The following ITGA6 variants were observed in gnomAD, a reference collection of about 807,000 sequenced individuals.
ITGA6 encodes the protein integrin alpha-6.
A neutral mutation model predicts 133.6 loss-of-function variants in ITGA6; 63 were observed. The observed-to-expected ratio is 0.47, with a 90% CI of 0.38 to 0.58. The LOEUF (loss-of-function observed/expected upper bound fraction) is 0.58. ITGA6 is among the 20% of genes least tolerant of loss of function. The probability of loss-of-function intolerance (pLI) is 0.00; values close to 1 mark genes in which losing one functional copy is unlikely to be tolerated. For synonymous variants in ITGA6, 434 were observed against 482.0 expected (o/e 0.90, Z 1.30); for missense variants, 1,068 against 1,309.4 (o/e 0.82, Z 2.85).
chr2:172,493,858 C>A (rs570252515), intron 23 of ITGA6, among the ~76,000 whole-genome samples: 12 of 152,284 alleles, frequency 7.9e-5, no homozygotes, highest in African/African-American at 2.9e-4. Flanking sequence ...CCCTGGTGTC[C>A]AGTCTGATGA....
chr2:172,489,299 T>C (rs1232915194), intron 19 of ITGA6, among the ~76,000 whole-genome samples, 186 bp from the exon 20 acceptor site: 1 of 152,226 alleles, frequency 6.6e-6, no homozygotes, highest in Non-Finnish European at 1.5e-5. Flanking sequence ...TTTGTTTTTA[T>C]TTACAAAAAT....
Position 172,469,006 on chromosome 2 carries a change from G to A in ITGA6, c.388-119G>A, listed in dbSNP as rs1685800863. 2.7e-6 allele frequency: 3 copies of A among 1,090,916 alleles called. No individual in the cohort carries two copies. The African/African-American group carries it at 4.7e-5, about 17-fold the overall frequency. The allele number at this position is 1,090,916 out of a possible 1,614,324, so 67.6% of individuals were successfully genotyped here. A position where few individuals can be genotyped will look rare whatever the true frequency, so the allele number is the denominator to read the frequency against. On this transcript the variant is annotated intron_variant, in intron 3 of 25. Transcript: ENST00000684293. Reference sequence around the variant, plus strand: ...GTCTGGGATCCGGTCCCAAGATGAGGACATGCTTAATCATCCTCTTTAGAA... The same window carrying A: ...GTCTGGGATCCGGTCCCAAGATGAGAACATGCTTAATCATCCTCTTTAGAA...
At chr2:172,465,180 T>C (rs1189519064) in intron 1 of ITGA6, 1 of 315,914 alleles carries the variant, frequency 3.2e-6, no homozygotes, top group East Asian at 7.4e-5. Context: ...ATTTGGTTTC[T>C]TCTCTTGAGT....
Position 172,491,583 on chromosome 2 carries a change from A to G in ITGA6, c.2988+60A>G. 9.1e-7 allele frequency: 1 copy of G among 1,096,168 alleles called. No individual in the cohort carries two copies. Among genetic ancestry groups the G allele is most frequent in the Non-Finnish European group, 1.4e-6 (1 of 720,646 alleles). 67.9% of individuals were successfully genotyped at this position (1,096,168 alleles called of 1,614,324 possible). On this transcript the variant is annotated intron_variant, in intron 23 of 25. Transcript: ENST00000684293. This position sits in a 1 kb window ranked among gnomAD's most constrained non-coding sequence, Gnocchi z 4.4. ...CATGTCTCTTTTCCCTGTACCCCAC[A>G]CTCATGTCCTGAAGTCATGTGCTTT...
chr2:172,503,882 T>G (rs1672169094), intron 25 of ITGA6: 1 of 369,842 alleles, frequency 2.7e-6, no homozygotes, highest in South Asian at 1.2e-4. Context: ...TGGACTTTTC[T>G]TCCAGTTTTA....
At chr2:172,485,888 T>G (rs1440455866) in intron 13 of ITGA6, among the ~76,000 whole-genome samples, 1 of 152,036 alleles carries the variant, frequency 6.6e-6, no homozygotes, top group Admixed American at 6.6e-5. Flanking sequence ...AAAATCTAAT[T>G]GATGATGAAC....
In ITGA6 at chr2:172,471,014, C is replaced by A; in HGVS notation, c.684C>A (p.Asp228Glu). 6.2e-7 allele frequency: 1 copy of A among 1,613,854 alleles called. No homozygotes were observed. Among genetic ancestry groups the A allele is most frequent in the South Asian group, 1.1e-5 (1 of 91,070 alleles). Residue 228 changes from aspartate (D) to glutamate (E), a missense_variant, in exon 5 of 26, where the codon GAC becomes GAA. Transcript: ENST00000684293. ...RVEQKNNTFF[D>E]MNIFEDGPYE... ...AGCAAAAGAATAACACTTTTTTTGACATGAACATCTTTGAAGATGGGCCTT... is the reference window on the plus strand; with the variant it reads ...AGCAAAAGAATAACACTTTTTTTGAAATGAACATCTTTGAAGATGGGCCTT...
chr2:172,492,141 G>A (rs1049944026), intron 23 of ITGA6, among the ~76,000 whole-genome samples: 1 of 152,150 alleles, frequency 6.6e-6, no homozygotes, highest in Admixed American at 6.5e-5. Flanking sequence ...TGATTCCCAC[G>A]TGGACAGAGC....
rs770511027 is a variant in ITGA6 at position 172,474,073 on chromosome 2, G to A, written c.794G>A (p.Gly265Glu). The A allele has an allele frequency of 6.2e-7, 1 of 1,613,014 alleles. No homozygotes were observed. The highest frequency in any genetic ancestry group is 8.5e-7 in the Non-Finnish European group (1 of 1,179,794). Reference sequence around the variant, plus strand: ...TTTCTAGGTTTTTCTTTGGACTCAGGGAAAGGTATTGTTTCTAAAGATGAG... The same window carrying A: ...TTTCTAGGTTTTTCTTTGGACTCAGAGAAAGGTATTGTTTCTAAAGATGAG... ...NSYLGFSLDSGKGIVSKDEIT... is the reference protein window; with the variant it reads ...NSYLGFSLDSEKGIVSKDEIT... Residue 265 changes from glycine to glutamate, a missense_variant, in exon 6 of 26, where the codon GGG (glycine) becomes GAG (glutamate). Around this residue, in one of 3 missense-constraint regions of ITGA6, gnomAD observed 317 missense variants for 456.9 expected, o/e 0.69. Coordinates refer to ENST00000684293, the MANE Select transcript of ITGA6 (RefSeq NM_000210.4).
At position 172,476,533 on chromosome 2, in the gene ITGA6, A is replaced by C; in HGVS notation, c.1388+20A>C. The C allele has an allele frequency of 7.4e-7, 1 of 1,344,426 alleles. No homozygotes were observed. The highest frequency in any genetic ancestry group is 1.1e-6 in the Non-Finnish European group (1 of 933,964). 83.3% of individuals were successfully genotyped at this position (1,344,426 alleles called of 1,614,324 possible). On this transcript the variant is annotated intron_variant, in intron 9 of 25. Coordinates refer to ENST00000684293, the MANE Select transcript of ITGA6 (RefSeq NM_000210.4). The stretch of plus-strand genomic sequence containing the variant: ...TTTCAGGTCTGTTATCTATGATTTT[A>C]GTGTTAAGCATGTTCTATAATCAGG...
chr2:172,449,776 C>T (rs780159523), intron 1 of ITGA6, among the ~76,000 whole-genome samples: 1 of 151,984 alleles, frequency 6.6e-6, no homozygotes, highest in South Asian at 2.1e-4. Context: ...ACAAAATTAG[C>T]CCGGCATGGT....
At chr2:172,490,331 C>G (rs60275829) in intron 20 of ITGA6, among the ~76,000 whole-genome samples, 12,262 of 152,190 alleles carry the variant, frequency 0.081, 1,354 homozygotes, top group East Asian at 0.51. Context: ...TAACCCCTCT[C>G]TCTATACTGC....
At chr2:172,453,781 A>G (rs1559125061) in intron 1 of ITGA6, among the ~76,000 whole-genome samples, 1 of 152,196 alleles carries the variant, frequency 6.6e-6, no homozygotes, top group South Asian at 2.1e-4. Context: ...GGAATTATTA[A>G]TACTGGAGTT....
At chr2:172,492,478 A>C (rs948214021) in intron 23 of ITGA6, among the ~76,000 whole-genome samples, 3 of 152,216 alleles carry the variant, frequency 2.0e-5, no homozygotes. Context: ...AGTAATTCTG[A>C]ATCTTGCTTC....
intron 1 of ITGA6, among the ~76,000 whole-genome samples, chr2:172,442,173 C>T (rs1468881628): frequency 7.2e-5 from 11 of 152,254 alleles, no homozygotes; most frequent in East Asian, 5.8e-4. Flanking sequence ...TCCTGGTTAC[C>T]GCCACACCCC....
chr2:172,492,993 T>C (rs1686984805), intron 23 of ITGA6, among the ~76,000 whole-genome samples: 1 of 152,116 alleles, frequency 6.6e-6, no homozygotes, highest in Non-Finnish European at 1.5e-5. Flanking sequence ...ACTGCAGCCT[T>C]GAATGCCTGG....
intron 5 of ITGA6, among the ~76,000 whole-genome samples, chr2:172,473,688 A>G (rs756063166): frequency 9.9e-5 from 15 of 152,244 alleles, no homozygotes; most frequent in Non-Finnish European, 1.6e-4. Flanking sequence ...ATGATGTAAC[A>G]TAACCAAATT....
intron 1 of ITGA6, among the ~76,000 whole-genome samples, chr2:172,457,244 G>A (rs1048497793): frequency 2.2e-5 from 3 of 137,736 alleles, no homozygotes; most frequent in Non-Finnish European, 4.5e-5. Context: ...GAAGTGAGCC[G>A]AGATCACAAC....
At position 172,491,562 on chromosome 2, in the gene ITGA6, T is replaced by C; in HGVS notation, c.2988+39T>C. ...CAGCTTCATTCAGGTTCAGAACATG[T>C]CTCTTTTCCCTGTACCCCACACTCA... On this transcript the variant is annotated intron_variant, in intron 23 of 25. Coordinates refer to ENST00000684293, the MANE Select transcript of ITGA6 (RefSeq NM_000210.4). This position sits in a 1 kb window ranked among gnomAD's most constrained non-coding sequence, Gnocchi z 4.4. 1 of 1,341,344 alleles carries C rather than the reference T, an allele frequency of 7.5e-7. No individual in the cohort carries two copies. The highest frequency in any genetic ancestry group is 1.2e-5 in the South Asian group (1 of 84,546). The allele number at this position is 1,341,344 out of a possible 1,614,324, so 83.1% of individuals were successfully genotyped here. A position where few individuals can be genotyped will look rare whatever the true frequency, so the allele number is the denominator to read the frequency against.
Sources: gnomAD v4.1 joint callset for allele counts (sites outside exome capture counted in the v4.1 genomes callset) on GRCh38, gnomAD v4.1.1 for gene constraint, gnomAD v4.1.1 regional missense constraint, Gnocchi (gnomAD v3.1) non-coding constraint, MANE v1.5 for transcripts, NCBI Gene and HGNC (gene_info 2026-07-23, HGNC 2026-07-21) for gene names.